Variants in ATP8A2 observed in about 807,000 individuals in gnomAD.
ATP8A2 encodes the protein phospholipid-transporting ATPase IB.
In ATP8A2, 100 loss-of-function variants were observed where a neutral mutation model predicts 165.6. The ratio of observed to expected loss-of-function variants is 0.60; its 90% CI spans 0.51 to 0.71. ATP8A2 has a LOEUF of 0.71. Ranked by LOEUF, ATP8A2 falls within the 30% of genes least tolerant of loss-of-function variation. ATP8A2 has a pLI of 0.00. For synonymous variants in ATP8A2, 543 were observed against 548.8 expected (o/e 0.99, Z 0.15); for missense variants, 1,227 against 1,479.5 (o/e 0.83, Z 2.80).
chr13:25,387,169 C>G (rs1292693889), intron 1 of ATP8A2, among the ~76,000 whole-genome samples: 1 of 152,042 alleles, frequency 6.6e-6, no homozygotes, highest in Non-Finnish European at 1.5e-5. Flanking sequence ...GTGATTCTGC[C>G]TAGAAAGCAA....
intron 33 of ATP8A2, among the ~76,000 whole-genome samples, chr13:25,926,230 A>C (rs2139051977): frequency 6.6e-6 from 1 of 152,252 alleles, no homozygotes; most frequent in East Asian, 1.9e-4. Context: ...CCACCATGGT[A>C]GCTCCTGGAA....
At chr13:25,802,105 C>T (rs909484656) in intron 27 of ATP8A2, among the ~76,000 whole-genome samples, 2 of 152,172 alleles carry the variant, frequency 1.3e-5, no homozygotes, top group African/African-American at 4.8e-5. Context: ...ACATGGTAAC[C>T]TACGTTAGAG....
At chr13:25,584,886 T>A (rs1441896674) in intron 23 of ATP8A2, among the ~76,000 whole-genome samples, 1 of 152,254 alleles carries the variant, frequency 6.6e-6, no homozygotes, top group Non-Finnish European at 1.5e-5. Flanking sequence ...CAGCATTATC[T>A]TAGTGGTATG....
chr13:25,564,636 A>G (rs1348799308), intron 16 of ATP8A2, among the ~76,000 whole-genome samples: 1 of 152,186 alleles, frequency 6.6e-6, no homozygotes, highest in Non-Finnish European at 1.5e-5. Flanking sequence ...ACCACTTCAA[A>G]TCAGTATTAA....
At chr13:25,985,147 G>A (rs1265071106) in intron 35 of ATP8A2, among the ~76,000 whole-genome samples, 7 of 152,204 alleles carry the variant, frequency 4.6e-5, no homozygotes, top group Non-Finnish European at 1.0e-4. Flanking sequence ...AACGTGGTTT[G>A]TCATACAAGA....
chr13:25,671,420 G>A (rs944781943), intron 24 of ATP8A2, among the ~76,000 whole-genome samples: 18 of 152,298 alleles, frequency 1.2e-4, no homozygotes, highest in East Asian at 3.9e-4. Context: ...TCTGACCGCC[G>A]GTGAGCCAGG....
intron 24 of ATP8A2, among the ~76,000 whole-genome samples, chr13:25,685,243 C>G (rs2042576572): frequency 6.6e-6 from 1 of 152,214 alleles, no homozygotes; most frequent in South Asian, 2.1e-4. Flanking sequence ...TCCTGCTGCT[C>G]CCTCCGTCCA....
chr13:25,482,838 C>T (rs898825532), intron 2 of ATP8A2, among the ~76,000 whole-genome samples: 11 of 152,222 alleles, frequency 7.2e-5, no homozygotes, highest in African/African-American at 2.7e-4. Context: ...ACTTGCTCCT[C>T]CTTGCCTTCC....
At chr13:25,836,717 T>C (rs1951620647) in intron 28 of ATP8A2, among the ~76,000 whole-genome samples, 2 of 152,198 alleles carry the variant, frequency 1.3e-5, no homozygotes, top group African/African-American at 2.4e-5. Context: ...CATAATTTGT[T>C]TATTGTAAAT....
At chr13:25,867,592 G>T (rs1281034499) in intron 33 of ATP8A2, among the ~76,000 whole-genome samples, 1 of 152,138 alleles carries the variant, frequency 6.6e-6, no homozygotes, top group East Asian at 1.9e-4. Context: ...TTTCCTAAGG[G>T]TGCCTAGTGT....
intron 1 of ATP8A2, among the ~76,000 whole-genome samples, chr13:25,442,347 T>C (rs2034953372): frequency 6.6e-6 from 1 of 152,216 alleles, no homozygotes; most frequent in Non-Finnish European, 1.5e-5. Flanking sequence ...AGCTGCACCA[T>C]TTTATATTCC....
intron 35 of ATP8A2, among the ~76,000 whole-genome samples, chr13:25,999,063 T>C (rs1424359599): frequency 1.3e-5 from 2 of 152,164 alleles, no homozygotes; most frequent in Non-Finnish European, 2.9e-5. Context: ...TGGTGAAGGA[T>C]TGAGTTGTGG....
intron 33 of ATP8A2, among the ~76,000 whole-genome samples, chr13:25,871,849 G>A (rs779111179): frequency 2.6e-5 from 4 of 152,102 alleles, no homozygotes; most frequent in Non-Finnish European, 5.9e-5. Flanking sequence ...ACTTCGATTC[G>A]CAATACTTTT....
chr13:25,576,980 G>C (rs1157408413), intron 19 of ATP8A2, 89 bp from the exon 20 acceptor site: 1 of 1,027,896 alleles, frequency 9.7e-7, no homozygotes, highest in Non-Finnish European at 1.5e-6. Context: ...AGGAACCCCA[G>C]ACCCCCTTTT....
intron 12 of ATP8A2, among the ~76,000 whole-genome samples, chr13:25,554,252 A>C (rs1440595452): frequency 6.6e-6 from 1 of 152,120 alleles, no homozygotes; most frequent in Non-Finnish European, 1.5e-5. Context: ...TGTGTTTACT[A>C]TAGTGGTCAC....
chr13:25,510,729 A>G (rs1276883454), intron 2 of ATP8A2, among the ~76,000 whole-genome samples: 1 of 152,192 alleles, frequency 6.6e-6, no homozygotes, highest in Non-Finnish European at 1.5e-5. Flanking sequence ...TTGTGGTGGA[A>G]GCAGTATAGA....
At chr13:25,450,600 C>T (rs1048447813) in intron 1 of ATP8A2, among the ~76,000 whole-genome samples, 24 of 152,046 alleles carry the variant, frequency 1.6e-4, no homozygotes, top group East Asian at 7.7e-4. Context: ...GGTGTGATCT[C>T]GGCTCACTGC....
chr13:25,954,694 C>T (rs1204288838), intron 33 of ATP8A2, among the ~76,000 whole-genome samples: 1 of 152,212 alleles, frequency 6.6e-6, no homozygotes, highest in Non-Finnish European at 1.5e-5. Context: ...GTTTTGCAGC[C>T]TCTGCTGTTG....
chr13:25,768,090 T>TG (rs1413005520), intron 25 of ATP8A2, among the ~76,000 whole-genome samples: 4 of 23,088 alleles, frequency 1.7e-4, no homozygotes, highest in Non-Finnish European at 3.6e-4. Flanking sequence ...GGGGGGGTGG[T>TG]GGGGGGGCAA....
Sources: allele counts gnomAD v4.1 joint callset (sites outside exome capture counted in the v4.1 genomes callset), GRCh38; gene constraint gnomAD v4.1.1; transcripts MANE v1.5; gene names NCBI Gene and HGNC (gene_info 2026-07-23, HGNC 2026-07-21).